The following PDE4A variants were observed in gnomAD, a reference collection of about 807,000 sequenced individuals.
PDE4A encodes the protein phosphodiesterase 4A, also known as 3',5'-cyclic-AMP phosphodiesterase 4A.
PDE4A carries 21 observed loss-of-function variants against 73.9 expected under a neutral mutation model. That is an observed-to-expected ratio of 0.28 (90% CI 0.20 to 0.41). The LOEUF (loss-of-function observed/expected upper bound fraction) is 0.41. PDE4A is among the 10% of genes least tolerant of loss of function. The probability of loss-of-function intolerance (pLI) is 1.00; values close to 1 mark genes in which losing one functional copy is unlikely to be tolerated. For synonymous variants in PDE4A, 463 were observed against 505.4 expected (o/e 0.92, Z 1.13); for missense variants, 958 against 1,211.4 (o/e 0.79, Z 3.10).
chr19:10,449,143 A>G lies in PDE4A; in HGVS notation c.613A>G (p.Ser205Gly), dbSNP rs202173827. The part of the protein sequence containing the change: ...FSLLTNVPVP[S>G]NKRSPLGGPT... ...ACTCCTGACCAATGTGCCCGTTCCC[A>G]GTAACAAGTAAGTGAAGGCTGGGCT... is the stretch of plus-strand genomic sequence containing the variant. Residue 205 changes from serine (S) to glycine (G), a missense_variant, in exon 4 of 15, where the codon AGT (serine) becomes GGT (glycine). By Grantham distance (56) the Ser-to-Gly change is moderately conservative. Around this residue, in one of 3 missense-constraint regions of PDE4A, gnomAD observed 570 missense variants for 827.7 expected, o/e 0.69. Coordinates refer to ENST00000380702, the MANE Select transcript of PDE4A (RefSeq NM_001111307.2). The G allele has an allele frequency of 6.2e-7, 1 of 1,613,452 alleles. No homozygotes were observed. Among genetic ancestry groups the G allele is most frequent in the African/African-American group, 1.3e-5 (1 of 75,026 alleles).
chr19:10,426,012 A>AAAAAAAAAAAAAAG (rs58606489), intron 1 of PDE4A, among the ~76,000 whole-genome samples: 1 of 140,620 alleles, frequency 7.1e-6, no homozygotes, highest in African/African-American at 2.8e-5. Context: ...AAAAAAAAAA[A>AAAAAAAAAAAAAAG]AGGAAGGAGG....
At chr19:10,466,308 G>C (rs1362784684) in intron 14 of PDE4A, among the ~76,000 whole-genome samples, 3 of 149,074 alleles carry the variant, frequency 2.0e-5, no homozygotes, top group African/African-American at 7.3e-5. Context: ...AGCCAGGCAC[G>C]ATGGCGGGCG....
chr19:10,460,351 T>A (rs1410587855), intron 10 of PDE4A, among the ~76,000 whole-genome samples: 1 of 151,450 alleles, frequency 6.6e-6, no homozygotes, highest in Non-Finnish European at 1.5e-5. Context: ...ATACAAAAAT[T>A]AGCCGGGCGT....
intron 1 of PDE4A, among the ~76,000 whole-genome samples, chr19:10,435,668 G>A (rs1458136692): frequency 1.3e-5 from 2 of 152,204 alleles, no homozygotes; most frequent in East Asian, 3.9e-4. Context: ...CCAATGGAGC[G>A]TCTGGGCATG....
intron 7 of PDE4A, among the ~76,000 whole-genome samples, chr19:10,456,711 C>T (rs2043175851): frequency 6.6e-6 from 1 of 151,714 alleles, no homozygotes; most frequent in African/African-American, 2.4e-5. Context: ...AAACTAACAC[C>T]TGTAAGATTC....
chr19:10,449,177 T>C (rs538711141), intron 4 of PDE4A, 27 bp downstream of exon 4: 1 of 1,609,676 alleles, frequency 6.2e-7, no homozygotes, highest in African/African-American at 1.3e-5. Flanking sequence ...CTGCAACAGC[T>C]GTGATCATAA....
At chr19:10,426,027 GA>G (rs2042714131) in intron 1 of PDE4A, among the ~76,000 whole-genome samples, 1 of 143,914 alleles carries the variant, frequency 6.9e-6, no homozygotes, top group African/African-American at 2.6e-5. Flanking sequence ...AGGAGGGAAG[GA>G]AGGAAAGAAA....
At position 10,467,353 on chromosome 19, in the gene PDE4A, C is replaced by T; in HGVS notation, c.2393C>T (p.Ser798Phe). ...SAPVAPDEFS[S>F]REEFVVAVSH... is the part of the protein sequence containing the mutation. ...CCTGTGGCTCCGGATGAGTTCTCGT[C>T]CCGGGAGGAATTCGTGGTTGCTGTA... is the stretch of plus-strand genomic sequence containing the variant. The change falls in exon 15 of 15, where the codon TCC becomes TTC. Residue 798 changes from serine to phenylalanine, a missense_variant. Physicochemically the swap from Ser to Phe is radical, Grantham distance 155 (BLOSUM62 -2). Coordinates refer to ENST00000380702, the MANE Select transcript of PDE4A (RefSeq NM_001111307.2). 1 of 1,614,202 alleles carries T rather than the reference C, an allele frequency of 6.2e-7. No homozygotes were observed. The highest frequency in any genetic ancestry group is 8.5e-7 in the Non-Finnish European group (1 of 1,180,038).
intron 1 of PDE4A, among the ~76,000 whole-genome samples, chr19:10,440,611 T>G (rs2042923930): frequency 6.6e-6 from 1 of 152,040 alleles, no homozygotes; most frequent in African/African-American, 2.4e-5. Flanking sequence ...TATTTATGTA[T>G]TTTTTGAGAC....
At chr19:10,435,064 C>T (rs1382606363) in intron 1 of PDE4A, among the ~76,000 whole-genome samples, 3 of 151,912 alleles carry the variant, frequency 2.0e-5, no homozygotes, top group Non-Finnish European at 4.4e-5. Context: ...CCAATGTGTT[C>T]GTTTCCCCCG....
rs10411816 is a variant in PDE4A, at chr19:10,458,801, T to C, written c.1102-599T>C. Among the ~76,000 whole-genome samples the C allele has an allele frequency of 0.023, 3,528 of 152,226 alleles. 135 individuals are homozygous for C. The highest frequency in any genetic ancestry group is 0.08 in the African/African-American group (3,326 of 41,532). On this transcript the variant is annotated intron_variant, in intron 8 of 14. Coordinates refer to ENST00000380702, the MANE Select transcript of PDE4A (RefSeq NM_001111307.2). The surrounding 1 kb of genome is among the most constrained non-coding windows in gnomAD (Gnocchi z 4.6). ...ACCTGGCTAATTTTTGTATTTTTAGTAGAAATGGGGTTTCACCATGTTGAC... is the reference window on the plus strand; with the variant it reads ...ACCTGGCTAATTTTTGTATTTTTAGCAGAAATGGGGTTTCACCATGTTGAC...
At chr19:10,439,749 C>T (rs2042911928) in intron 1 of PDE4A, among the ~76,000 whole-genome samples, 1 of 152,078 alleles carries the variant, frequency 6.6e-6, no homozygotes, top group Non-Finnish European at 1.5e-5. Flanking sequence ...CCTGGCTCCA[C>T]AGTCCCTTCT....
In PDE4A at chr19:10,458,143, T is replaced by G. The variant is rs1599448968; in HGVS notation, c.1101+41T>G. On this transcript the variant is annotated intron_variant, in intron 8 of 14. Coordinates refer to ENST00000380702, the MANE Select transcript of PDE4A (RefSeq NM_001111307.2). The surrounding 1 kb of genome is among the most constrained non-coding windows in gnomAD (Gnocchi z 4.6). ...GTAGGGGCAGGGCTGGAGGGGGTGG[T>G]CTCCTGGGACCCTGAGAAGGACTGG... is the stretch of plus-strand genomic sequence containing the variant. 1 of 1,588,230 alleles carries G rather than the reference T, an allele frequency of 6.3e-7. No individual in the cohort carries two copies.
intron 7 of PDE4A, among the ~76,000 whole-genome samples, chr19:10,457,522 C>A (rs1245063744): frequency 6.6e-6 from 1 of 151,470 alleles, no homozygotes; most frequent in Admixed American, 6.6e-5. Context: ...CACTCTTGGC[C>A]CCCATGCTGG....
In PDE4A at chr19:10,432,580, C is replaced by T. The variant is rs1190812099; in HGVS notation, c.320+11496C>T. 5.9e-6 allele frequency: 9 copies of T among 1,516,612 alleles called. No homozygotes were observed. In the South Asian group the frequency reaches 1.0e-4, roughly 17 times the overall value. 93.9% of individuals were successfully genotyped at this position (1,516,612 alleles called of 1,614,324 possible). ...CCGGGCAGATCTGTCAGGTGGGTGG[C>T]CCGTGGCCAGTCAGTCCTCTCTTTT... On this transcript the variant is annotated intron_variant, in intron 1 of 14. Transcript: ENST00000380702.
intron 4 of PDE4A, among the ~76,000 whole-genome samples, chr19:10,450,272 T>C (rs879845609): frequency 6.6e-6 from 1 of 151,628 alleles, no homozygotes; most frequent in Admixed American, 6.6e-5. Flanking sequence ...CTTCTGGGGG[T>C]GGGGGATAGA....
intron 1 of PDE4A, chr19:10,423,037 C>A: frequency 1.1e-6 from 1 of 901,226 alleles, no homozygotes; most frequent in Non-Finnish European, 1.3e-6. Flanking sequence ...ATGGCTCACC[C>A]TCCGGCTCCA....
At chr19:10,441,286 G>T (rs1264132571) in intron 1 of PDE4A, among the ~76,000 whole-genome samples, 1 of 152,090 alleles carries the variant, frequency 6.6e-6, no homozygotes, top group Non-Finnish European at 1.5e-5. Flanking sequence ...ACACCACCAT[G>T]CCCGGCTAAT....
intron 6 of PDE4A, among the ~76,000 whole-genome samples, chr19:10,452,613 G>GGTGTGT (rs138348522): frequency 5.2e-4 from 77 of 147,362 alleles, no homozygotes; most frequent in African/African-American, 1.6e-3. Context: ...ACTGTCTCCG[G>GGTGTGT]GTGTGTGTGT....
Sources: allele counts gnomAD v4.1 joint callset (sites outside exome capture counted in the v4.1 genomes callset), GRCh38; gene constraint gnomAD v4.1.1; regional missense constraint gnomAD v4.1.1; non-coding constraint Gnocchi (gnomAD v3.1); transcripts MANE v1.5; gene names NCBI Gene and HGNC (gene_info 2026-07-23, HGNC 2026-07-21).